Variants in CGNL1 observed in about 807,000 individuals in gnomAD.
CGNL1 encodes cingulin like 1.
In CGNL1, 132 loss-of-function variants were observed where a neutral mutation model predicts 141.2. That is an observed-to-expected ratio of 0.93 (90% CI 0.81 to 1.08). CGNL1 has a LOEUF of 1.08. Among genes scored for constraint, CGNL1 ranks in the 50% least tolerant of loss-of-function variants. The pLI, the probability that CGNL1 is intolerant of heterozygous loss-of-function variation, is 0.00. For missense variants in CGNL1, 1,870 were observed against 1,588.6 expected, an observed-to-expected ratio of 1.18 and a Z score of -3.01; for synonymous variants, 690 against 622.1, an observed-to-expected ratio of 1.11 and a Z score of -1.63.
intron 10 of CGNL1, among the ~76,000 whole-genome samples, chr15:57,521,775 G>A (rs1293105331): frequency 2.0e-5 from 3 of 152,058 alleles, no homozygotes; most frequent in East Asian, 1.9e-4. Context: ...TGGAGGCTGA[G>A]TAGAGCTGGG....
At chr15:57,442,182 GAA>G (rs61564944) in intron 3 of CGNL1, among the ~76,000 whole-genome samples, 189 bp from the exon 4 acceptor site, 22,176 of 96,350 alleles carry the variant, frequency 0.23, 2,709 homozygotes, top group African/African-American at 0.3. Flanking sequence ...TCATTTATTT[GAA>G]AAAAAAAAAA....
rs2934441 is a variant in CGNL1, at chr15:57,438,206, T to C, written c.207T>C (p.Phe69=). The C allele has an allele frequency of 0.025, 40,112 of 1,614,152 alleles. 1,942 individuals carry two copies. The highest frequency in any genetic ancestry group is 0.18 in the Admixed American group (10,608 of 60,020). Residue 69 remains phenylalanine (F), a synonymous_variant, in exon 2 of 19, where the codon TTT becomes TTC. Transcript: ENST00000281282. ...AACGGTGCCTAGCAGGCACATCGTTTTCTGAAAATGGGCCACCCTTTCCAC... is the reference window on the plus strand; with the variant it reads ...AACGGTGCCTAGCAGGCACATCGTTCTCTGAAAATGGGCCACCCTTTCCAC... ...NTERCLAGTS[F]SENGPPFPPP... is the part of the protein sequence containing the mutation.
In CGNL1 at chr15:57,453,721, CTG is replaced by C; in HGVS notation, c.2094_2095del (p.Glu699AspfsTer14). ...AAGATGGAACGGGAGCAGCATCAGACTGAGATCAGGGATCTCCAGGACCAGCT... is the reference window on the plus strand; with the variant it reads ...AAGATGGAACGGGAGCAGCATCAGACAGATCAGGGATCTCCAGGACCAGCT... On this transcript the variant is annotated frameshift_variant, in exon 7 of 19. Transcript: ENST00000281282. LOFTEE classifies it high-confidence loss of function. 1 of 1,613,990 alleles carries C rather than the reference CTG, an allele frequency of 6.2e-7. No individual in the cohort carries two copies. Among genetic ancestry groups the C allele is most frequent in the Non-Finnish European group, 8.5e-7 (1 of 1,179,934 alleles).
chr15:57,442,182 G>GGAAAAAAAAAATAAAAAAAAAA lies in CGNL1; in HGVS notation c.1698-191_1698-190insGAAAAAAAAAATAAAAAAAAAA, dbSNP rs1491455852. 2.1e-5 allele frequency among the ~76,000 whole-genome samples: 2 copies of GGAAAAAAAAAATAAAAAAAAAA among 96,528 alleles called. 1 individual carries two copies. Among genetic ancestry groups the GGAAAAAAAAAATAAAAAAAAAA allele is most frequent in the Admixed American group, 2.4e-4 (2 of 8,170 alleles). The allele number at this position is 96,528 out of a possible 152,430, so 63.3% of individuals were successfully genotyped here. A position where few individuals can be genotyped will look rare whatever the true frequency, so the allele number is the denominator to read the frequency against. ...TTGAGTGGTAACACATCATTTATTT[G>GGAAAAAAAAAATAAAAAAAAAA]AAAAAAAAAAAAAAAAAAAAAGACA... On this transcript the variant is annotated intron_variant, in intron 3 of 18. Coordinates refer to ENST00000281282, the MANE Select transcript of CGNL1 (RefSeq NM_032866.5).
At chr15:57,400,519 C>T (rs1198180003) in intron 1 of CGNL1, among the ~76,000 whole-genome samples, 1 of 152,134 alleles carries the variant, frequency 6.6e-6, no homozygotes, top group Non-Finnish European at 1.5e-5. Context: ...GGCTTCACAG[C>T]ACACACAGCT....
At chr15:57,428,156 T>C (rs1321782165) in intron 1 of CGNL1, among the ~76,000 whole-genome samples, 1 of 152,212 alleles carries the variant, frequency 6.6e-6, no homozygotes, top group Non-Finnish European at 1.5e-5. Context: ...AGATGAGAGC[T>C]TGTCTTGGTG....
intron 8 of CGNL1, among the ~76,000 whole-genome samples, chr15:57,469,848 C>T (rs373302733): frequency 9.0e-4 from 137 of 152,266 alleles, no homozygotes; most frequent in African/African-American, 3.1e-3. Flanking sequence ...TTGTCCCTTC[C>T]CTCTTTCCTG....
At chr15:57,500,994 T>C (rs538558377) in intron 8 of CGNL1, among the ~76,000 whole-genome samples, 33 of 152,346 alleles carry the variant, frequency 2.2e-4, no homozygotes, top group African/African-American at 7.7e-4. Flanking sequence ...CTATAAAGTA[T>C]AGAATACATG....
intron 8 of CGNL1, among the ~76,000 whole-genome samples, chr15:57,470,150 CTT>C (rs1299789276): frequency 6.6e-6 from 1 of 151,776 alleles, no homozygotes; most frequent in African/African-American, 2.4e-5. Flanking sequence ...GAAAATATCT[CTT>C]TTCCACAGAC....
intron 1 of CGNL1, 81 bp from the exon 2 acceptor site, chr15:57,437,904 C>T: frequency 7.8e-7 from 1 of 1,285,646 alleles, no homozygotes; most frequent in Non-Finnish European, 1.1e-6. Context: ...GAAGTTTCCC[C>T]TTCCTAATTA....
At chr15:57,502,324 C>T (rs2064036598) in intron 8 of CGNL1, among the ~76,000 whole-genome samples, 1 of 152,128 alleles carries the variant, frequency 6.6e-6, no homozygotes, top group South Asian at 2.1e-4. Flanking sequence ...TGCCTGAGAG[C>T]TGTGGGAAAA....
chr15:57,403,252 CGCCCCTCTTTGGG>C lies in CGNL1; in HGVS notation c.-16+26690_-16+26702del, dbSNP rs373681215. On this transcript the variant is annotated intron_variant, in intron 1 of 18. Coordinates refer to ENST00000281282, the MANE Select transcript of CGNL1 (RefSeq NM_032866.5). ...CTGAGCTTTGTCAGCCAGGTTGAAA[CGCCCCTCTTTGGG>C]GCCCAGGACAACATGCTGGTTTCCC... Among the ~76,000 whole-genome samples, 302 of 152,292 alleles carry C rather than the reference CGCCCCTCTTTGGG, an allele frequency of 2.0e-3. 1 individual carries two copies. Among genetic ancestry groups the C allele is most frequent in the African/African-American group, 6.8e-3 (282 of 41,556 alleles).
chr15:57,425,084 A>G (rs1360405901), intron 1 of CGNL1, among the ~76,000 whole-genome samples: 3 of 152,182 alleles, frequency 2.0e-5, no homozygotes, highest in Non-Finnish European at 2.9e-5. Context: ...GCATCTTTAC[A>G]TTATACAGGC....
At chr15:57,468,481 G>A (rs571751841) in intron 8 of CGNL1, among the ~76,000 whole-genome samples, 10 of 151,852 alleles carry the variant, frequency 6.6e-5, no homozygotes, top group African/African-American at 2.4e-4. Flanking sequence ...ATCTGCTCAC[G>A]TCAGCCTCCC....
intron 8 of CGNL1, among the ~76,000 whole-genome samples, chr15:57,490,692 G>A (rs1297985499): frequency 7.9e-5 from 12 of 152,116 alleles, no homozygotes; most frequent in Non-Finnish European, 1.5e-4. Flanking sequence ...TCTTGAAGTT[G>A]GGCTGCACAT....
At chr15:57,422,914 G>A (rs1386554257) in intron 1 of CGNL1, among the ~76,000 whole-genome samples, 1 of 152,088 alleles carries the variant, frequency 6.6e-6, no homozygotes, top group South Asian at 2.1e-4. Context: ...GGAAGGCAGG[G>A]GTGTGTTAGA....
chr15:57,540,797 A>C (rs2032523753), intron 14 of CGNL1, among the ~76,000 whole-genome samples: 4 of 152,236 alleles, frequency 2.6e-5, no homozygotes, highest in Admixed American at 2.6e-4. Flanking sequence ...TCTTTGTCAC[A>C]ATGTCCTGCA....
At chr15:57,527,649 T>G (rs1267992514) in intron 12 of CGNL1, 1 of 152,258 alleles carries the variant, frequency 6.6e-6, no homozygotes, top group African/African-American at 2.4e-5. Context: ...CAAGCTGTTT[T>G]GTCTGTTGCG....
chr15:57,386,440 C>T (rs1422889493), intron 1 of CGNL1, among the ~76,000 whole-genome samples: 1 of 152,198 alleles, frequency 6.6e-6, no homozygotes, highest in African/African-American at 2.4e-5. Flanking sequence ...CCGTTTCAGT[C>T]AAGGACACTA....
Sources: gnomAD v4.1 joint callset for allele counts (sites outside exome capture counted in the v4.1 genomes callset) on GRCh38, gnomAD v4.1.1 for gene constraint, MANE v1.5 for transcripts, NCBI Gene and HGNC (gene_info 2026-07-23, HGNC 2026-07-21) for gene names.